Variants in ARL15 observed in about 807,000 individuals in gnomAD.
ARL15 encodes ADP-ribosylation factor-like protein 15.
Under a neutral mutation model 25.2 loss-of-function variants are expected in ARL15, and 19 were observed. That is an observed-to-expected ratio of 0.75 (90% confidence interval 0.53 to 1.10). The LOEUF is 1.10. Among genes scored for constraint, ARL15 ranks in the 50% least tolerant of loss-of-function variants. ARL15 has a pLI of 0.00. For missense variants in ARL15, 220 were observed against 246.0 expected (o/e 0.89, Z 0.71); for synonymous variants, 94 against 86.8 (o/e 1.08, Z -0.46).
intron 4 of ARL15, among the ~76,000 whole-genome samples, chr5:53,981,347 C>A (rs989476784): frequency 1.3e-5 from 2 of 152,074 alleles, no homozygotes; most frequent in African/African-American, 4.8e-5. Flanking sequence ...TATCCCAGTG[C>A]AATGCTGGAT....
At chr5:53,915,550 T>A (rs62372391) in intron 4 of ARL15, among the ~76,000 whole-genome samples, 1 of 152,170 alleles carries the variant, frequency 6.6e-6, no homozygotes, top group African/African-American at 2.4e-5. Context: ...AAGTCTAGCA[T>A]TGAACAGTTT....
At chr5:54,058,822 T>A (rs923426320) in intron 4 of ARL15, among the ~76,000 whole-genome samples, 2 of 151,984 alleles carry the variant, frequency 1.3e-5, no homozygotes, top group African/African-American at 4.8e-5. Flanking sequence ...CTAACTACAG[T>A]TTCAAGGCTC....
Position 54,271,637 on chromosome 5 carries a change from C to T in ARL15, c.48+38795G>A, listed in dbSNP as rs75274469. ...TATCCTTTTTATTCTCTCTGGAGAA[C>T]TCTAATATGCTAACTTAGTCAACAG... On this transcript the variant is annotated intron_variant, in intron 1 of 4. Coordinates refer to ENST00000504924, the MANE Select transcript of ARL15 (RefSeq NM_019087.3). Among the ~76,000 whole-genome samples, 951 of 152,214 alleles carry T rather than the reference C, an allele frequency of 6.2e-3. 7 individuals are homozygous for T. The highest frequency in any genetic ancestry group is 0.022 in the African/African-American group (910 of 41,512).
chr5:54,052,369 C>T (rs1750728868), intron 4 of ARL15, among the ~76,000 whole-genome samples: 1 of 152,080 alleles, frequency 6.6e-6, no homozygotes, highest in African/African-American at 2.4e-5. Flanking sequence ...ACATTGCATA[C>T]AACAACTTCC....
At chr5:53,928,762 C>G (rs182207962) in intron 4 of ARL15, among the ~76,000 whole-genome samples, 1 of 152,156 alleles carries the variant, frequency 6.6e-6, no homozygotes, top group African/African-American at 2.4e-5. Context: ...TTATACAATG[C>G]TCAGCAGAGC....
At chr5:54,039,245 C>T (rs1216861765) in intron 4 of ARL15, among the ~76,000 whole-genome samples, 1 of 151,726 alleles carries the variant, frequency 6.6e-6, no homozygotes, top group Non-Finnish European at 1.5e-5. Context: ...GAAGTTCACA[C>T]TTTTAAGAAA....
At chr5:54,241,716 C>T (rs2407405) in intron 1 of ARL15, among the ~76,000 whole-genome samples, 94,258 of 151,882 alleles carry the variant, frequency 0.62, 30,016 homozygotes, top group Non-Finnish European at 0.69. Flanking sequence ...CATGTGTAGA[C>T]AAGATATGTA....
intron 4 of ARL15, chr5:53,887,485 G>C (rs772289323): frequency 5.4e-5 from 35 of 643,372 alleles, no homozygotes; most frequent in Admixed American, 1.0e-4. Context: ...CCAGCATACT[G>C]ACTAACGGCA....
intron 1 of ARL15, among the ~76,000 whole-genome samples, chr5:54,241,098 T>C (rs180901466): frequency 4.6e-5 from 7 of 152,310 alleles, no homozygotes; most frequent in East Asian, 3.9e-4. Flanking sequence ...CTTAATACTA[T>C]ATAATGATAC....
chr5:54,215,604 A>C (rs1439283845), intron 1 of ARL15, among the ~76,000 whole-genome samples: 1 of 136,184 alleles, frequency 7.3e-6, no homozygotes, highest in African/African-American at 2.6e-5. Context: ...GTGCGACTCA[A>C]GCTAAGTGCG....
intron 4 of ARL15, among the ~76,000 whole-genome samples, chr5:54,010,855 G>A (rs889397407): frequency 6.6e-6 from 1 of 151,894 alleles, no homozygotes; most frequent in African/African-American, 2.4e-5. Context: ...AAAAATTAGC[G>A]GGGCTTGGTG....
chr5:53,916,050 GCA>G (rs774180056), intron 4 of ARL15, among the ~76,000 whole-genome samples: 3 of 152,080 alleles, frequency 2.0e-5, no homozygotes, highest in Non-Finnish European at 4.4e-5. Context: ...GGGACTGCAG[GCA>G]CACACTATTG....
chr5:54,115,617 A>G (rs972473261), intron 3 of ARL15, among the ~76,000 whole-genome samples: 16 of 152,342 alleles, frequency 1.1e-4, no homozygotes, highest in African/African-American at 3.8e-4. Flanking sequence ...ACTAATTTTC[A>G]GGTCCTAAAA....
intron 1 of ARL15, 40 bp from the exon 2 acceptor site, chr5:54,171,968 AGT>A: frequency 6.3e-7 from 1 of 1,597,432 alleles, no homozygotes; most frequent in Non-Finnish European, 8.6e-7. Flanking sequence ...TTTAAATGAC[AGT>A]ATGGAAATAA....
chr5:54,309,378 G>A (rs1195671760), intron 1 of ARL15, among the ~76,000 whole-genome samples: 1 of 152,228 alleles, frequency 6.6e-6, no homozygotes. Flanking sequence ...GGCGTTTCTT[G>A]GCCATCAAAG....
chr5:54,105,521 T>A (rs1038240978), intron 4 of ARL15, among the ~76,000 whole-genome samples: 11 of 152,330 alleles, frequency 7.2e-5, no homozygotes, highest in East Asian at 1.9e-4. Context: ...AAGAATTTTT[T>A]AAAATCCTTC....
At chr5:54,019,930 CTCT>C (rs1181333575) in intron 4 of ARL15, among the ~76,000 whole-genome samples, 3 of 152,166 alleles carry the variant, frequency 2.0e-5, no homozygotes, top group Non-Finnish European at 2.9e-5. Context: ...TGCAATTATT[CTCT>C]TCTTCTCACA....
chr5:54,135,045 A>T (rs1335164498), intron 3 of ARL15, among the ~76,000 whole-genome samples: 1 of 152,206 alleles, frequency 6.6e-6, no homozygotes, highest in Non-Finnish European at 1.5e-5. Flanking sequence ...AATTGCTAAT[A>T]TGTTGGATGA....
intron 1 of ARL15, among the ~76,000 whole-genome samples, chr5:54,242,897 A>G (rs1191117931): frequency 6.6e-6 from 1 of 152,212 alleles, no homozygotes; most frequent in Non-Finnish European, 1.5e-5. Flanking sequence ...CACAAAGGAA[A>G]AAAAATCTCT....
Sources: gnomAD v4.1 joint callset for allele counts (sites outside exome capture counted in the v4.1 genomes callset) on GRCh38, gnomAD v4.1.1 for gene constraint, MANE v1.5 for transcripts, NCBI Gene and HGNC (gene_info 2026-07-23, HGNC 2026-07-21) for gene names.